Variants in LRRTM4 observed in about 807,000 individuals in gnomAD.
LRRTM4 encodes leucine-rich repeat transmembrane neuronal protein 4.
LRRTM4 carries 25 observed loss-of-function variants against 47.6 expected under a neutral mutation model. The ratio of observed to expected loss-of-function variants is 0.53; its 90% CI spans 0.38 to 0.73. The LOEUF (loss-of-function observed/expected upper bound fraction) is 0.73, where lower values mean the gene tolerates loss of function less well. LRRTM4 is among the 30% of genes least tolerant of loss of function. The pLI is 0.00. For missense variants in LRRTM4, 638 were observed against 713.4 expected, an observed-to-expected ratio of 0.89 and a Z score of 1.20; for synonymous variants, 311 against 269.5, an observed-to-expected ratio of 1.15 and a Z score of -1.51.
At chr2:76,766,403 CTA>C (rs1239259861) in intron 3 of LRRTM4, among the ~76,000 whole-genome samples, 4 of 152,160 alleles carry the variant, frequency 2.6e-5, no homozygotes, top group Non-Finnish European at 4.4e-5. Flanking sequence ...CCTTGTCTTT[CTA>C]TGTTATCCCA....
chr2:76,874,110 G>C (rs1316343920), intron 3 of LRRTM4, among the ~76,000 whole-genome samples: 4 of 150,892 alleles, frequency 2.7e-5, no homozygotes, highest in African/African-American at 9.8e-5. Flanking sequence ...GGTAATGTCT[G>C]CTTTTTTTTT....
At chr2:77,243,782 T>TA in intron 3 of LRRTM4, among the ~76,000 whole-genome samples, 1 of 147,480 alleles carries the variant, frequency 6.8e-6, no homozygotes, top group East Asian at 2.0e-4. Flanking sequence ...CCTTTTTTTT[T>TA]ATTATACTTT....
chr2:77,504,676 T>G (rs1413861374), intron 3 of LRRTM4, among the ~76,000 whole-genome samples: 1 of 151,610 alleles, frequency 6.6e-6, no homozygotes. Context: ...ATCTAACAAT[T>G]TTATTCTGTT....
intron 3 of LRRTM4, among the ~76,000 whole-genome samples, chr2:77,207,401 A>G (rs549239835): frequency 6.8e-6 from 1 of 147,850 alleles, no homozygotes; most frequent in East Asian, 2.0e-4. Context: ...ATACACATAT[A>G]TATTTCTCCT....
chr2:77,042,708 T>A (rs1030512187), intron 3 of LRRTM4, among the ~76,000 whole-genome samples: 1 of 151,774 alleles, frequency 6.6e-6, no homozygotes, highest in Non-Finnish European at 1.5e-5. Flanking sequence ...TAATTTAACA[T>A]TACTAATGAA....
intron 3 of LRRTM4, among the ~76,000 whole-genome samples, chr2:77,179,386 T>A (rs765067558): frequency 3.3e-5 from 5 of 152,216 alleles, no homozygotes; most frequent in Non-Finnish European, 7.4e-5. Flanking sequence ...TACTTACAGA[T>A]GTCCTGAGTC....
rs560944841 is a variant in LRRTM4 at position 76,783,256 on chromosome 2, G to C, written c.1552-34340C>G. Among the ~76,000 whole-genome samples, 7 of 152,222 alleles carry C rather than the reference G, an allele frequency of 4.6e-5. No individual in the cohort carries two copies. In the East Asian group the frequency reaches 1.2e-3, roughly 25 times the overall value. Reference sequence around the variant, plus strand: ...GTTGTGTTTTCATCAGGTTACGTTGGTGATATCTGGGAATCCACCTTTCCA... The same window carrying C: ...GTTGTGTTTTCATCAGGTTACGTTGCTGATATCTGGGAATCCACCTTTCCA... On this transcript the variant is annotated intron_variant, in intron 3 of 3. Transcript: ENST00000409884.
chr2:76,862,692 A>C (rs1672350326), intron 3 of LRRTM4, among the ~76,000 whole-genome samples: 1 of 152,236 alleles, frequency 6.6e-6, no homozygotes, highest in Admixed American at 6.5e-5. Context: ...CATTGATAAG[A>C]GCAGAGGATG....
intron 3 of LRRTM4, among the ~76,000 whole-genome samples, chr2:76,895,496 G>A (rs1673382845): frequency 6.6e-6 from 1 of 152,044 alleles, no homozygotes; most frequent in African/African-American, 2.4e-5. Flanking sequence ...AATAGGCATA[G>A]AACTGCAAAT....
At chr2:77,025,144 T>A (rs1401239489) in intron 3 of LRRTM4, among the ~76,000 whole-genome samples, 1 of 152,186 alleles carries the variant, frequency 6.6e-6, no homozygotes, top group African/African-American at 2.4e-5. Context: ...GGATCCGTAA[T>A]ACTTTAGTTT....
At chr2:76,940,841 C>T (rs940641959) in intron 3 of LRRTM4, among the ~76,000 whole-genome samples, 5 of 151,872 alleles carry the variant, frequency 3.3e-5, no homozygotes, top group African/African-American at 1.2e-4. Flanking sequence ...TTAGTCCTTG[C>T]AAAAAAATCA....
At chr2:76,946,518 G>A (rs1160433493) in intron 3 of LRRTM4, among the ~76,000 whole-genome samples, 4 of 151,762 alleles carry the variant, frequency 2.6e-5, no homozygotes, top group African/African-American at 9.7e-5. Context: ...TCAAAGGTCA[G>A]GCTTTTGGTG....
intron 3 of LRRTM4, among the ~76,000 whole-genome samples, chr2:76,929,925 TTG>T (rs3055992): frequency 0.16 from 23,307 of 149,130 alleles, 2,067 homozygotes; most frequent in Non-Finnish European, 0.21. Flanking sequence ...CAATTAGAGT[TTG>T]TGTGTGTGTG....
intron 3 of LRRTM4, among the ~76,000 whole-genome samples, chr2:77,268,648 T>C (rs938804606): frequency 3.9e-5 from 6 of 152,158 alleles, no homozygotes; most frequent in Admixed American, 3.3e-4. Flanking sequence ...TTGCTCTTTT[T>C]AAAAAGCTGA....
At chr2:77,500,105 T>C (rs547918855) in intron 3 of LRRTM4, among the ~76,000 whole-genome samples, 3 of 151,870 alleles carry the variant, frequency 2.0e-5, no homozygotes, top group East Asian at 3.9e-4. Context: ...CTGCAGTCTC[T>C]TCCTGCAGAA....
At chr2:77,185,806 G>C (rs1673485343) in intron 3 of LRRTM4, among the ~76,000 whole-genome samples, 3 of 152,080 alleles carry the variant, frequency 2.0e-5, no homozygotes, top group African/African-American at 7.2e-5. Context: ...AGGTCAAACA[G>C]GCCTAGTTTG....
intron 3 of LRRTM4, among the ~76,000 whole-genome samples, chr2:77,261,418 C>T (rs1217903887): frequency 6.6e-6 from 1 of 152,092 alleles, no homozygotes; most frequent in Non-Finnish European, 1.5e-5. Flanking sequence ...GATATCTTTT[C>T]TCATCCTGGT....
rs185692827 is a variant in LRRTM4, at chr2:77,247,391, T to C, written c.1551+270927A>G. Among the ~76,000 whole-genome samples, 16 of 152,252 alleles carry C rather than the reference T, an allele frequency of 1.1e-4. 1 individual carries two copies. The East Asian group carries it at 3.1e-3, about 29-fold the overall frequency. On this transcript the variant is annotated intron_variant, in intron 3 of 3. Coordinates refer to ENST00000409884, the MANE Select transcript of LRRTM4 (RefSeq NM_001134745.3). The stretch of plus-strand genomic sequence containing the variant: ...AAAACCACACTACCATATGACTTAC[T>C]GAAACATTTTCTCTTTTTTTGTTAC...
At chr2:77,120,937 A>G (rs973166433) in intron 3 of LRRTM4, among the ~76,000 whole-genome samples, 4 of 151,720 alleles carry the variant, frequency 2.6e-5, no homozygotes, top group Non-Finnish European at 4.4e-5. Flanking sequence ...TCAATGCAGA[A>G]CCCTGAGTGT....
Sources: allele counts gnomAD v4.1 joint callset (sites outside exome capture counted in the v4.1 genomes callset), GRCh38; gene constraint gnomAD v4.1.1; transcripts MANE v1.5; gene names NCBI Gene and HGNC (gene_info 2026-07-23, HGNC 2026-07-21).